SYTL5: variants seen among roughly 807,000 people sequenced by gnomAD.
SYTL5 encodes the protein synaptotagmin-like protein 5.
A neutral mutation model predicts 55.9 loss-of-function variants in SYTL5; 34 were observed. The ratio of observed to expected loss-of-function variants is 0.61; its 90% CI spans 0.46 to 0.81. The LOEUF (loss-of-function observed/expected upper bound fraction) is 0.81. Ranked by LOEUF, SYTL5 falls within the 30% of genes least tolerant of loss-of-function variation. The pLI, the probability that SYTL5 is intolerant of heterozygous loss-of-function variation, is 0.00. For missense variants in SYTL5, 637 were observed against 546.7 expected (o/e 1.17, Z -1.65); for synonymous variants, 221 against 188.7 (o/e 1.17, Z -1.40).
chrX:38,054,896 A>C (rs1935736637), intron 3 of SYTL5, among the ~76,000 whole-genome samples: 1 of 110,299 alleles, frequency 9.1e-6, no homozygotes, highest in Non-Finnish European at 1.9e-5. Context: ...CACACAGCTA[A>C]TTGAATGGCA....
chrX:37,980,910 T>C, the SYTL5 span, among the ~76,000 whole-genome samples: 3 of 111,970 alleles, frequency 2.7e-5, 1 homozygote, highest in African/African-American at 6.5e-5. Context: ...GTGATCCACA[T>C]GGAGAGAGGC....
At chrX:37,891,749 AG>A in the SYTL5 span, among the ~76,000 whole-genome samples, 1 of 111,754 alleles carries the variant, frequency 8.9e-6, no homozygotes, top group East Asian at 2.8e-4. Flanking sequence ...CAAATATCAT[AG>A]GTATACTTAT....
intron 4 of SYTL5, among the ~76,000 whole-genome samples, chrX:38,072,998 G>C (rs1275560386): frequency 9.0e-6 from 1 of 111,599 alleles, no homozygotes; most frequent in African/African-American, 3.3e-5. Context: ...ACTGATTCCA[G>C]TGGTACTTCT....
the SYTL5 span, among the ~76,000 whole-genome samples, chrX:37,890,029 C>G: frequency 1.8e-5 from 2 of 111,523 alleles, no homozygotes; most frequent in Non-Finnish European, 3.8e-5. Context: ...GAGCCAGTGC[C>G]CTTATACAAA....
At chrX:38,097,730 T>C (rs1254425757) in intron 9 of SYTL5, among the ~76,000 whole-genome samples, 2 of 109,772 alleles carry the variant, frequency 1.8e-5, no homozygotes, top group Admixed American at 9.8e-5. Flanking sequence ...TGAAAATATA[T>C]GGGACCCAGA....
At chrX:38,067,898 TC>T (rs1055087783) in intron 3 of SYTL5, among the ~76,000 whole-genome samples, 1 of 111,710 alleles carries the variant, frequency 9.0e-6, no homozygotes, top group African/African-American at 3.3e-5. Flanking sequence ...TATTACTAAT[TC>T]CTCAAAAGTA....
intron 3 of SYTL5, among the ~76,000 whole-genome samples, chrX:38,070,583 A>T (rs1470330029): frequency 9.0e-6 from 1 of 111,374 alleles, no homozygotes; most frequent in African/African-American, 3.3e-5. Flanking sequence ...ACTTTAGAAA[A>T]ACTGCTAGAA....
chrX:37,917,694 G>A, the SYTL5 span, among the ~76,000 whole-genome samples: 1 of 111,578 alleles, frequency 9.0e-6, no homozygotes, highest in African/African-American at 3.3e-5. Flanking sequence ...TCCCTCTTCA[G>A]CGGCAACTCC....
chrX:37,992,257 G>C, the SYTL5 span, among the ~76,000 whole-genome samples: 4 of 112,690 alleles, frequency 3.5e-5, no homozygotes, highest in African/African-American at 1.3e-4. Context: ...TTTAAAAGAG[G>C]TGTCACATCA....
chrX:38,066,396 A>C (rs1432473781), intron 3 of SYTL5, among the ~76,000 whole-genome samples: 1 of 111,715 alleles, frequency 9.0e-6, no homozygotes, highest in Non-Finnish European at 1.9e-5. Flanking sequence ...GTGTTAAAGA[A>C]AACCAGGACA....
intron 2 of SYTL5, among the ~76,000 whole-genome samples, chrX:38,052,529 T>G (rs1935651422): frequency 8.9e-6 from 1 of 112,120 alleles, no homozygotes; most frequent in Admixed American, 9.5e-5. Flanking sequence ...ATAAATGACC[T>G]GGTTCCTGAT....
chrX:38,021,904 G>A (rs766116682), intron 1 of SYTL5, among the ~76,000 whole-genome samples: 12 of 112,102 alleles, frequency 1.1e-4, no homozygotes, highest in Non-Finnish European at 9.4e-5. Flanking sequence ...TGCAATTTGC[G>A]AGTTATTTGT....
chrX:38,097,969 G>A (rs1262670067), intron 9 of SYTL5, among the ~76,000 whole-genome samples: 7 of 109,683 alleles, frequency 6.4e-5, no homozygotes, highest in African/African-American at 2.3e-4. Context: ...TGGGACAACA[G>A]GATATCCAAA....
chrX:38,060,321 G>A (rs1935909474), intron 3 of SYTL5, among the ~76,000 whole-genome samples: 1 of 111,568 alleles, frequency 9.0e-6, no homozygotes, highest in Non-Finnish European at 1.9e-5. Flanking sequence ...GTGGAATTCG[G>A]AGATTGTTTT....
intron 1 of SYTL5, among the ~76,000 whole-genome samples, chrX:38,031,157 C>T (rs1400104230): frequency 9.0e-6 from 1 of 111,245 alleles, no homozygotes; most frequent in Non-Finnish European, 1.9e-5. Context: ...GATTTTACTA[C>T]AGCTTAAGAC....
chrX:37,919,066 A>T, the SYTL5 span, among the ~76,000 whole-genome samples: 943 of 110,589 alleles, frequency 8.5e-3, 9 homozygotes, highest in African/African-American at 0.03. Context: ...AGGCATAGAC[A>T]AAAGAACTCA....
chrX:38,076,429 C>T (rs904619358), intron 5 of SYTL5, 138 bp from the exon 6 acceptor site: 2 of 512,234 alleles, frequency 3.9e-6, no homozygotes, highest in Non-Finnish European at 6.2e-6. Flanking sequence ...ACTGGGAACT[C>T]TCCAGAACCT....
At chrX:38,093,632 A>G (rs1051983228) in intron 7 of SYTL5, among the ~76,000 whole-genome samples, 2 of 111,644 alleles carry the variant, frequency 1.8e-5, no homozygotes, top group African/African-American at 6.5e-5. Context: ...CAAGTCCCAG[A>G]CTGAATTCTA....
chrX:38,003,672 A>G (rs1407883888), upstream of SYTL5, among the ~76,000 whole-genome samples: 4 of 112,009 alleles, frequency 3.6e-5, no homozygotes, highest in Admixed American at 9.4e-5. Flanking sequence ...TATAGATTCA[A>G]TGCCATCCCC....
Sources: gnomAD v4.1 joint callset for allele counts (sites outside exome capture counted in the v4.1 genomes callset) on GRCh38, gnomAD v4.1.1 for gene constraint, MANE v1.5 for transcripts, NCBI Gene and HGNC (gene_info 2026-07-23, HGNC 2026-07-21) for gene names.